Variants in EPB41L4B observed in about 807,000 individuals in gnomAD.
EPB41L4B encodes erythrocyte membrane protein band 4.1 like 4B, also known as band 4.1-like protein 4B.
In EPB41L4B, 30 loss-of-function variants were observed where a neutral mutation model predicts 112.5. The ratio of observed to expected loss-of-function variants is 0.27; its 90% CI spans 0.20 to 0.36. The LOEUF (loss-of-function observed/expected upper bound fraction) is 0.36, where lower values mean the gene tolerates loss of function less well. Among genes scored for constraint, EPB41L4B ranks in the 10% least tolerant of loss-of-function variants. The pLI is 1.00. For synonymous variants in EPB41L4B, 408 were observed against 439.7 expected, an observed-to-expected ratio of 0.93 and a Z score of 0.90; for missense variants, 1,024 against 1,133.3, an observed-to-expected ratio of 0.90 and a Z score of 1.38.
At chr9:109,224,633 T>C (rs925920912) in intron 15 of EPB41L4B, among the ~76,000 whole-genome samples, 6 of 152,152 alleles carry the variant, frequency 3.9e-5, no homozygotes, top group Admixed American at 3.9e-4. Context: ...ATTGCAGCGA[T>C]GGTTGCACAA....
intron 13 of EPB41L4B, among the ~76,000 whole-genome samples, chr9:109,250,276 TG>T (rs1301268030): frequency 6.6e-6 from 1 of 152,204 alleles, no homozygotes. Context: ...AGCTGGTACC[TG>T]GAGGGAGGGT....
At chr9:109,276,412 G>A (rs1564313326) in intron 2 of EPB41L4B, among the ~76,000 whole-genome samples, 1 of 152,140 alleles carries the variant, frequency 6.6e-6, no homozygotes, top group Admixed American at 6.5e-5. Context: ...AGAGATAAGT[G>A]CAGGCATCAT....
At chr9:109,305,511 G>C (rs755056202) in intron 1 of EPB41L4B, among the ~76,000 whole-genome samples, 5 of 151,914 alleles carry the variant, frequency 3.3e-5, no homozygotes, top group Non-Finnish European at 5.9e-5. Flanking sequence ...CCAACTACTC[G>C]GGAGGCTGAG....
chr9:109,185,507 A>T lies in EPB41L4B; in HGVS notation c.2400T>A (p.Pro800=), dbSNP rs752924209. 6 of 1,613,708 alleles carry T rather than the reference A, an allele frequency of 3.7e-6. No homozygotes were observed. In the East Asian group the frequency reaches 1.1e-4, roughly 30 times the overall value. The part of the protein sequence containing the change: ...KEETTGVCMY[P]PIKTRLIKTF... ...TACCTACCAGCCTCGTTTTGATTGG[A>T]GGGTACATGCAAACTCCAGTGGTCT... The change falls in exon 23 of 26, where the codon CCT becomes CCA. Residue 800 remains proline, a synonymous_variant. Coordinates refer to ENST00000374566, the MANE Select transcript of EPB41L4B (RefSeq NM_019114.5).
intron 15 of EPB41L4B, among the ~76,000 whole-genome samples, chr9:109,223,541 T>C (rs1833663881): frequency 6.6e-6 from 1 of 152,066 alleles, no homozygotes; most frequent in African/African-American, 2.4e-5. Flanking sequence ...ACAACAAGGC[T>C]GAGTGATCAA....
intron 1 of EPB41L4B, among the ~76,000 whole-genome samples, chr9:109,298,306 A>G: frequency 8.2e-6 from 1 of 122,560 alleles, no homozygotes; most frequent in African/African-American, 3.2e-5. Context: ...TTTCCCAATC[A>G]TATATGCTTT....
At chr9:109,259,693 G>A (rs1348545408) in intron 6 of EPB41L4B, among the ~76,000 whole-genome samples, 2 of 152,186 alleles carry the variant, frequency 1.3e-5, no homozygotes, top group East Asian at 3.9e-4. Context: ...AGGAGCACAG[G>A]CATGCAACAG....
chr9:109,237,288 ATTACCTGGCAGGAT>A (rs148319098), intron 15 of EPB41L4B, among the ~76,000 whole-genome samples: 2,335 of 152,340 alleles, frequency 0.015, 67 homozygotes, highest in African/African-American at 0.053. Context: ...AAGGTAATTA[ATTACCTGGCAGGAT>A]TTAGAGACTT....
intron 6 of EPB41L4B, among the ~76,000 whole-genome samples, chr9:109,261,506 A>G (rs770770241): frequency 2.0e-5 from 3 of 152,132 alleles, no homozygotes; most frequent in Non-Finnish European, 2.9e-5. Flanking sequence ...GACAACAGGA[A>G]TTAAAAGGTG....
chr9:109,260,860 G>C (rs1310766685), intron 6 of EPB41L4B, among the ~76,000 whole-genome samples: 2 of 152,162 alleles, frequency 1.3e-5, no homozygotes, highest in Non-Finnish European at 2.9e-5. Flanking sequence ...TGTTAAGTGT[G>C]GTGAGGGCTT....
At position 109,216,975 on chromosome 9, in the gene EPB41L4B, T is replaced by C. The variant is rs938735602; in HGVS notation, c.1580A>G (p.Glu527Gly). The C allele has an allele frequency of 6.2e-7, 1 of 1,614,088 alleles. No individual in the cohort carries two copies. The highest frequency in any genetic ancestry group is 1.3e-5 in the African/African-American group (1 of 74,932). ...GGACCTCAGAGGCCCCTCTTTGTTC[T>C]CCAGGGTCAGTGAGAGGCTGTAGTT... is the stretch of plus-strand genomic sequence containing the variant. ...HSNYSLSLTL[E>G]NKEGPLRSPN... is the part of the protein sequence containing the mutation. The change falls in exon 16 of 26, where the codon GAG becomes GGG. Residue 527 changes from glutamate (E) to glycine (G), a missense_variant. Coordinates refer to ENST00000374566, the MANE Select transcript of EPB41L4B (RefSeq NM_019114.5).
At chr9:109,237,406 C>A (rs761225972) in intron 15 of EPB41L4B, among the ~76,000 whole-genome samples, 4 of 152,156 alleles carry the variant, frequency 2.6e-5, no homozygotes, top group East Asian at 1.9e-4. Flanking sequence ...TAAACCAGTA[C>A]ATACCCGAGT....
In EPB41L4B at chr9:109,214,915, G is replaced by A. The variant is rs564416103; in HGVS notation, c.1634-1097C>T. Among the ~76,000 whole-genome samples the A allele has an allele frequency of 3.5e-3, 535 of 152,304 alleles. 2 individuals are homozygous for A. The highest frequency in any genetic ancestry group is 4.4e-3 in the Non-Finnish European group (302 of 68,032). ...ACTATTTGGAGATTGTCCTGGAGCG[G>A]GTGCCCCTTAGGAGGCTGTTATGGT... On this transcript the variant is annotated intron_variant, in intron 16 of 25. Transcript: ENST00000374566.
intron 16 of EPB41L4B, 60 bp from the exon 17 acceptor site, chr9:109,213,878 G>T (rs1833272738): frequency 6.7e-7 from 1 of 1,486,524 alleles, no homozygotes; most frequent in Admixed American, 1.7e-5. Flanking sequence ...AGATACAGGG[G>T]AAAAGGGACA....
intron 14 of EPB41L4B, among the ~76,000 whole-genome samples, chr9:109,246,767 G>A (rs981913208): frequency 2.0e-5 from 3 of 152,212 alleles, no homozygotes; most frequent in African/African-American, 4.8e-5. Context: ...GCTGGCAGGC[G>A]GCACAGGCCC....
At chr9:109,186,603 T>C (rs557007395) in intron 22 of EPB41L4B, among the ~76,000 whole-genome samples, 1 of 152,232 alleles carries the variant, frequency 6.6e-6, no homozygotes, top group East Asian at 1.9e-4. Context: ...GCCTCCTGAG[T>C]AGCTGGGACT....
At chr9:109,311,878 C>A (rs955301816) in intron 1 of EPB41L4B, among the ~76,000 whole-genome samples, 2 of 152,154 alleles carry the variant, frequency 1.3e-5, no homozygotes, top group Admixed American at 6.5e-5. Flanking sequence ...AGACCATCTG[C>A]AAAGGGGATG....
chr9:109,242,364 T>C (rs983910605), intron 15 of EPB41L4B, among the ~76,000 whole-genome samples: 6 of 152,236 alleles, frequency 3.9e-5, no homozygotes, highest in African/African-American at 1.4e-4. Flanking sequence ...AGGCACTGTT[T>C]ACGGCTTTCC....
At chr9:109,200,922 A>C (rs916586322) in intron 19 of EPB41L4B, among the ~76,000 whole-genome samples, 1 of 152,192 alleles carries the variant, frequency 6.6e-6, no homozygotes, top group African/African-American at 2.4e-5. Context: ...TTACTCAAGA[A>C]TTTATTTCAG....
Sources: gnomAD v4.1 joint callset for allele counts (sites outside exome capture counted in the v4.1 genomes callset) on GRCh38, gnomAD v4.1.1 for gene constraint, MANE v1.5 for transcripts, NCBI Gene and HGNC (gene_info 2026-07-23, HGNC 2026-07-21) for gene names.